The following KDM2B variants were observed in gnomAD, a reference collection of about 807,000 sequenced individuals.
KDM2B encodes lysine demethylase 2B.
A neutral mutation model predicts 150.0 loss-of-function variants in KDM2B; 26 were observed. The observed-to-expected ratio is 0.17, with a 90% CI of 0.13 to 0.24. The LOEUF (loss-of-function observed/expected upper bound fraction) is 0.24, where lower values mean the gene tolerates loss of function less well. Ranked by LOEUF, KDM2B falls within the 10% of genes least tolerant of loss-of-function variation. The pLI is 1.00. For missense variants in KDM2B, 1,265 were observed against 1,816.9 expected (o/e 0.70, Z 5.52); for synonymous variants, 734 against 729.5 (o/e 1.01, Z -0.10).
In KDM2B at chr12:121,430,207, A is replaced by C; in HGVS notation, c.*81T>G. On this transcript the variant is annotated 3_prime_UTR_variant, in exon 23 of 23. Transcript: ENST00000377071. The surrounding 1 kb of genome is among the most constrained non-coding windows in gnomAD (Gnocchi z 4.4). ...GTTGTGGTCTGTTGTCCCACGTTCC[A>C]AATGGAAAATAAAAGCCCTCATTTT... 6.2e-7 allele frequency: 1 copy of C among 1,614,190 alleles called. No individual in the cohort carries two copies. The highest frequency in any genetic ancestry group is 8.5e-7 in the Non-Finnish European group (1 of 1,180,036).
chr12:121,438,298 A>G (rs941294079), intron 22 of KDM2B, among the ~76,000 whole-genome samples: 1 of 152,084 alleles, frequency 6.6e-6, no homozygotes, highest in African/African-American at 2.4e-5. Context: ...GCACTGAGAT[A>G]AAAAGATGAC....
rs113672052 is a variant in KDM2B at position 121,549,658 on chromosome 12, A to G, written c.398-20T>C. 0.012 allele frequency: 19,010 copies of G among 1,550,354 alleles called. 356 individuals carry two copies. The highest frequency in any genetic ancestry group is 0.064 in the South Asian group (5,301 of 82,750). ...GGCTCCCTGGAGGCAGAAGCCACAC[A>G]CTGGTTGTTCCTGCCGGCTTAAGGC... is the stretch of plus-strand genomic sequence containing the variant. On this transcript the variant is annotated intron_variant, in intron 4 of 22. Transcript: ENST00000377071. The surrounding 1 kb of genome is among the most constrained non-coding windows in gnomAD (Gnocchi z 4.4).
chr12:121,553,257 C>T (rs898658260), intron 4 of KDM2B, among the ~76,000 whole-genome samples: 11 of 151,724 alleles, frequency 7.3e-5, no homozygotes, highest in Non-Finnish European at 1.2e-4. Flanking sequence ...GAAAGAACCC[C>T]GGTACCCTCC....
In KDM2B at chr12:121,441,162, C is replaced by T; in HGVS notation, c.3356G>A (p.Ser1119Asn). The change falls in exon 20 of 23, where the codon AGT becomes AAT. Residue 1119 changes from serine to asparagine, a missense_variant. Physicochemically the swap from Ser to Asn is conservative, Grantham distance 46. Around this residue, in one of 11 missense-constraint regions of KDM2B, gnomAD observed 251 missense variants for 397.8 expected, o/e 0.63. Transcript: ENST00000377071. ...HCKSITPLML[S>N]GIIRRQPVSL... ...GACGGGCTGTCGCCGGATGATGCCA[C>T]TCAGCATCAGGGGTGTGATAGACTT... 1 of 1,614,100 alleles carries T rather than the reference C, an allele frequency of 6.2e-7. No homozygotes were observed. The highest frequency in any genetic ancestry group is 8.5e-7 in the Non-Finnish European group (1 of 1,179,918).
At chr12:121,550,309 CAAA>C (rs782618970) in intron 4 of KDM2B, among the ~76,000 whole-genome samples, 1 of 107,080 alleles carries the variant, frequency 9.3e-6, no homozygotes, top group African/African-American at 3.4e-5. Flanking sequence ...GACTTTGTCT[CAAA>C]AAAAAAAAAA....
intron 12 of KDM2B, among the ~76,000 whole-genome samples, chr12:121,481,173 C>T (rs1882088622): frequency 1.3e-5 from 2 of 152,024 alleles, no homozygotes; most frequent in African/African-American, 2.4e-5. Context: ...TCAAATGATC[C>T]ACCCGCCTCA....
rs782095869 is a variant in KDM2B, at chr12:121,510,012, C to A, written c.1202G>T (p.Gly401Val). 2.0e-5 allele frequency: 32 copies of A among 1,580,548 alleles called. No individual in the cohort carries two copies. The highest frequency in any genetic ancestry group is 2.6e-5 in the Non-Finnish European group (30 of 1,163,318). Residue 401 changes from glycine to valine, a missense_variant, in exon 11 of 23, where the codon GGC becomes GTC. Coordinates refer to ENST00000377071, the MANE Select transcript of KDM2B (RefSeq NM_032590.5). ...IDAPRKPSIDGFSSDSWLEME... is the reference protein window; with the variant it reads ...IDAPRKPSIDVFSSDSWLEME... ...CTCCAGCCAGGAATCCGAAGAGAAGCCGTCTATGCTGGGCTTCCTCGGGGC... is the reference window on the plus strand; with the variant it reads ...CTCCAGCCAGGAATCCGAAGAGAAGACGTCTATGCTGGGCTTCCTCGGGGC...
rs562058501 is a variant in KDM2B, at chr12:121,518,117, C to A, written c.1047+2868G>T. ...CATGTTGGTCAGGCTGGTCTCGAACCCCTGACCTCAGATCATCCGCCCGCC... is the reference window on the plus strand; with the variant it reads ...CATGTTGGTCAGGCTGGTCTCGAACACCTGACCTCAGATCATCCGCCCGCC... On this transcript the variant is annotated intron_variant, in intron 9 of 22. Coordinates refer to ENST00000377071, the MANE Select transcript of KDM2B (RefSeq NM_032590.5). The surrounding 1 kb of genome is among the most constrained non-coding windows in gnomAD (Gnocchi z 4.4). Among the ~76,000 whole-genome samples the A allele has an allele frequency of 6.8e-6, 1 of 146,396 alleles. No individual in the cohort carries two copies. Among genetic ancestry groups the A allele is most frequent in the South Asian group, 2.2e-4 (1 of 4,552 alleles).
chr12:121,500,317 C>T (rs782222860), intron 11 of KDM2B, among the ~76,000 whole-genome samples: 4 of 152,172 alleles, frequency 2.6e-5, no homozygotes, highest in Non-Finnish European at 4.4e-5. Context: ...ACACCTTACA[C>T]GCCCGTCCCC....
chr12:121,559,548 A>T (rs2136220029), intron 4 of KDM2B, among the ~76,000 whole-genome samples: 1 of 152,240 alleles, frequency 6.6e-6, no homozygotes, highest in East Asian at 1.9e-4. Flanking sequence ...ATAGCAACAG[A>T]GGGGACCAGG....
At chr12:121,544,117 A>C (rs77213425) in intron 6 of KDM2B, among the ~76,000 whole-genome samples, 2 of 147,938 alleles carry the variant, frequency 1.4e-5, no homozygotes, top group Admixed American at 6.7e-5. Flanking sequence ...CCTGCCTCAA[A>C]AAAAAAAAAA....
rs782643720 is a variant in KDM2B, at chr12:121,453,056, A to G, written c.1959+64T>C. On this transcript the variant is annotated intron_variant, in intron 13 of 22. Coordinates refer to ENST00000377071, the MANE Select transcript of KDM2B (RefSeq NM_032590.5). The surrounding 1 kb of genome is among the most constrained non-coding windows in gnomAD (Gnocchi z 6.4). ...GGGGCGGCCAGAGCGAGCAGCGGTC[A>G]GACACGCGGGCCGGCACGCAGGGGC... The G allele has an allele frequency of 7.3e-6, 10 of 1,375,004 alleles. No individual in the cohort carries two copies. Among genetic ancestry groups the G allele is most frequent in the Admixed American group, 6.6e-5 (3 of 45,144 alleles). The allele number at this position is 1,375,004 out of a possible 1,614,324, so 85.2% of individuals were successfully genotyped here.
At chr12:121,509,315 C>T (rs1885374036) in intron 11 of KDM2B, among the ~76,000 whole-genome samples, 2 of 151,976 alleles carry the variant, frequency 1.3e-5, no homozygotes, top group South Asian at 4.2e-4. Context: ...CTGCCCACCT[C>T]AGCCTCCCAG....
intron 4 of KDM2B, among the ~76,000 whole-genome samples, chr12:121,551,496 C>T (rs1452324893): frequency 6.6e-6 from 1 of 151,998 alleles, no homozygotes; most frequent in Admixed American, 6.6e-5. Context: ...CAGGGCGGCA[C>T]CACCACATCC....
chr12:121,494,953 A>C (rs1309184204), intron 11 of KDM2B, among the ~76,000 whole-genome samples: 1 of 151,602 alleles, frequency 6.6e-6, no homozygotes, highest in Non-Finnish European at 1.5e-5. Context: ...CAGTTATGAC[A>C]TCTAGCACTT....
intron 8 of KDM2B, among the ~76,000 whole-genome samples, chr12:121,527,294 C>A (rs1398568909): frequency 2.9e-4 from 41 of 142,878 alleles, no homozygotes; most frequent in African/African-American, 9.4e-4. Context: ...CTGATCTGCC[C>A]GCCTTGGCCT....
At position 121,513,452 on chromosome 12, in the gene KDM2B, G is replaced by A; in HGVS notation, c.1048-50C>T. 5 of 1,594,374 alleles carry A rather than the reference G, an allele frequency of 3.1e-6. No individual in the cohort carries two copies. Among genetic ancestry groups the A allele is most frequent in the Non-Finnish European group, 4.3e-6 (5 of 1,164,434 alleles). On this transcript the variant is annotated intron_variant, in intron 9 of 22. Transcript: ENST00000377071. This position sits in a 1 kb window ranked among gnomAD's most constrained non-coding sequence, Gnocchi z 5.0. ...AGAGGTCAGTTTCCAGAGGGCGAAGGGGGAAGGAGGGAGAGAAGTGCGGGG... is the reference window on the plus strand; with the variant it reads ...AGAGGTCAGTTTCCAGAGGGCGAAGAGGGAAGGAGGGAGAGAAGTGCGGGG...
intron 11 of KDM2B, among the ~76,000 whole-genome samples, chr12:121,500,141 GATT>G (rs1884395027): frequency 6.6e-6 from 1 of 152,024 alleles, no homozygotes; most frequent in African/African-American, 2.4e-5. Context: ...GGGAAAAGAA[GATT>G]ATTCTAATTG....
Position 121,441,092 on chromosome 12 carries a change from G to T in KDM2B, c.3426C>A (p.Ser1142Arg). ...CACCAGGCAGCCGGTTGATGAGCCAGCTCAGCTGCTTCTTGGAGATATTGG... is the reference window on the plus strand; with the variant it reads ...CACCAGGCAGCCGGTTGATGAGCCATCTCAGCTGCTTCTTGGAGATATTGG... ...SWTNISKKQLSWLINRLPGLR... is the reference protein window; with the variant it reads ...SWTNISKKQLRWLINRLPGLR... Residue 1142 changes from serine (S) to arginine (R), a missense_variant, in exon 20 of 23, where the codon AGC (serine) becomes AGA (arginine). By Grantham distance (110) the Ser-to-Arg change is moderately radical. Around this residue, in one of 11 missense-constraint regions of KDM2B, gnomAD observed 251 missense variants for 397.8 expected, o/e 0.63. Coordinates refer to ENST00000377071, the MANE Select transcript of KDM2B (RefSeq NM_032590.5). The T allele has an allele frequency of 6.2e-7, 1 of 1,614,194 alleles. No homozygotes were observed. The highest frequency in any genetic ancestry group is 8.5e-7 in the Non-Finnish European group (1 of 1,180,026).
Sources: gnomAD v4.1 joint callset for allele counts (sites outside exome capture counted in the v4.1 genomes callset) on GRCh38, gnomAD v4.1.1 for gene constraint, gnomAD v4.1.1 regional missense constraint, Gnocchi (gnomAD v3.1) non-coding constraint, MANE v1.5 for transcripts, NCBI Gene and HGNC (gene_info 2026-07-23, HGNC 2026-07-21) for gene names.